The following MSRA variants were observed in gnomAD, a reference collection of about 807,000 sequenced individuals.
MSRA encodes the protein methionine sulfoxide reductase A.
MSRA carries 54 observed loss-of-function variants against 31.3 expected under a neutral mutation model. That is an observed-to-expected ratio of 1.73 (90% CI 1.39 to 2.17). The LOEUF (loss-of-function observed/expected upper bound fraction) is 2.17. Ranked by LOEUF, MSRA falls within the 30% of genes most tolerant of loss-of-function variation. The pLI, the probability that MSRA is intolerant of heterozygous loss-of-function variation, is 0.00. For missense variants in MSRA, 507 were observed against 300.9 expected (o/e 1.69, Z -5.07); for synonymous variants, 169 against 116.5 (o/e 1.45, Z -2.90).
chr8:10,156,998 A>G (rs763222150), intron 1 of MSRA, among the ~76,000 whole-genome samples: 6 of 151,470 alleles, frequency 4.0e-5, no homozygotes, highest in Admixed American at 6.6e-5. Context: ...TCCATTCTTC[A>G]TCATCCCCAC....
chr8:10,342,146 G>A (rs975523157), intron 5 of MSRA, among the ~76,000 whole-genome samples: 1 of 152,286 alleles, frequency 6.6e-6, no homozygotes, highest in South Asian at 2.1e-4. Flanking sequence ...CTTAAGTTCT[G>A]TTCTTCAGTG....
In MSRA at chr8:10,173,134, G is replaced by A. The variant is rs940651534; in HGVS notation, c.143-34699G>A. Among the ~76,000 whole-genome samples, 8 of 152,206 alleles carry A rather than the reference G, an allele frequency of 5.3e-5. No individual in the cohort carries two copies. The East Asian group carries it at 1.3e-3, about 26-fold the overall frequency. On this transcript the variant is annotated intron_variant, in intron 1 of 5. Coordinates refer to ENST00000317173, the MANE Select transcript of MSRA (RefSeq NM_012331.5). The stretch of plus-strand genomic sequence containing the variant: ...TCTTACAGCCCTTTTTCTGTTCAAA[G>A]TCTTCCTTAATACAAACTGTTTTAT...
intron 5 of MSRA, among the ~76,000 whole-genome samples, chr8:10,358,364 AT>A (rs1177303705): frequency 2.6e-5 from 4 of 152,106 alleles, no homozygotes; most frequent in Admixed American, 1.3e-4. Flanking sequence ...ACAGTTAAAC[AT>A]TTTTTAATCC....
chr8:10,411,919 C>T (rs746018745), intron 5 of MSRA, among the ~76,000 whole-genome samples: 6 of 152,168 alleles, frequency 3.9e-5, no homozygotes, highest in African/African-American at 9.7e-5. Flanking sequence ...CTGTGGACAC[C>T]GCCCCTGGGA....
At chr8:10,059,304 C>T (rs1365033525) in intron 1 of MSRA, among the ~76,000 whole-genome samples, 1 of 152,120 alleles carries the variant, frequency 6.6e-6, no homozygotes, top group Non-Finnish European at 1.5e-5. Flanking sequence ...TAGTAATTTA[C>T]TAATGCATTT....
chr8:10,293,161 T>C (rs1800338058), intron 3 of MSRA, among the ~76,000 whole-genome samples: 1 of 152,124 alleles, frequency 6.6e-6, no homozygotes, highest in Non-Finnish European at 1.5e-5. Flanking sequence ...CTAGAGGCTT[T>C]GCAGGGCACA....
intron 1 of MSRA, chr8:10,095,662 C>T (rs1001195453): frequency 9.0e-6 from 9 of 1,002,212 alleles, no homozygotes; most frequent in Middle Eastern, 4.9e-4. Flanking sequence ...TCTGCTTTCT[C>T]GGCTTGAGCT....
intron 1 of MSRA, among the ~76,000 whole-genome samples, chr8:10,155,150 C>T (rs562665116): frequency 5.9e-5 from 9 of 152,026 alleles, no homozygotes; most frequent in African/African-American, 1.4e-4. Flanking sequence ...AGTCTAATGA[C>T]GACAATAAGG....
chr8:10,091,268 A>G (rs1299338968), intron 1 of MSRA, among the ~76,000 whole-genome samples: 1 of 152,208 alleles, frequency 6.6e-6, no homozygotes, highest in Non-Finnish European at 1.5e-5. Context: ...CATTATTCAC[A>G]TTTAAAAAGT....
intron 1 of MSRA, among the ~76,000 whole-genome samples, chr8:10,062,457 C>T (rs1231561660): frequency 6.6e-6 from 1 of 152,156 alleles, no homozygotes; most frequent in Non-Finnish European, 1.5e-5. Context: ...ACACAATGAA[C>T]TGAGGGCAGG....
intron 5 of MSRA, among the ~76,000 whole-genome samples, chr8:10,368,380 T>C (rs1479393227): frequency 6.6e-6 from 1 of 152,262 alleles, no homozygotes; most frequent in Non-Finnish European, 1.5e-5. Context: ...AGTGCAGCAC[T>C]ATCATTTGAT....
rs535537831 is a variant in MSRA at position 10,060,657 on chromosome 8, T to C, written c.142+5999T>C. Among the ~76,000 whole-genome samples, 306 of 152,314 alleles carry C rather than the reference T, an allele frequency of 2.0e-3. 1 individual carries two copies. Among genetic ancestry groups the C allele is most frequent in the African/African-American group, 7.0e-3 (291 of 41,574 alleles). On this transcript the variant is annotated intron_variant, in intron 1 of 5. Coordinates refer to ENST00000317173, the MANE Select transcript of MSRA (RefSeq NM_012331.5). ...CTTGAAGTTTTTTTTTTTTTCAATT[T>C]TGCTCTTTCTTGTCAAGTACATCTT...
At chr8:10,316,801 G>A (rs1801753404) in intron 4 of MSRA, among the ~76,000 whole-genome samples, 1 of 152,138 alleles carries the variant, frequency 6.6e-6, no homozygotes, top group African/African-American at 2.4e-5. Flanking sequence ...AATAAGAAGT[G>A]CCATCTTTCA....
intron 1 of MSRA, among the ~76,000 whole-genome samples, chr8:10,187,403 C>T (rs948276848): frequency 3.3e-4 from 51 of 152,310 alleles, no homozygotes; most frequent in Middle Eastern, 6.8e-3. Context: ...TACACCGGTA[C>T]CCAAGCTACC....
At chr8:10,195,410 T>G (rs1277996121) in intron 1 of MSRA, among the ~76,000 whole-genome samples, 1 of 152,198 alleles carries the variant, frequency 6.6e-6, no homozygotes, top group Non-Finnish European at 1.5e-5. Context: ...CAGGCTAATT[T>G]TTTGTATTTT....
chr8:10,254,957 G>C (rs1798099948), intron 3 of MSRA, among the ~76,000 whole-genome samples: 1 of 152,218 alleles, frequency 6.6e-6, no homozygotes, highest in Non-Finnish European at 1.5e-5. Context: ...CAGGTCATCT[G>C]TTCCGGTGAT....
chr8:10,318,648 A>G (rs1801863232), intron 4 of MSRA, among the ~76,000 whole-genome samples: 1 of 152,184 alleles, frequency 6.6e-6, no homozygotes, highest in Non-Finnish European at 1.5e-5. Context: ...TATGACAGTC[A>G]AATATTTCGT....
chr8:10,115,437 C>T (rs1276023124), intron 1 of MSRA, among the ~76,000 whole-genome samples: 1 of 152,200 alleles, frequency 6.6e-6, no homozygotes, highest in African/African-American at 2.4e-5. Flanking sequence ...AGATCCTTTC[C>T]TAGCACCTTC....
intron 4 of MSRA, among the ~76,000 whole-genome samples, chr8:10,306,487 T>C (rs1487834515): frequency 6.6e-6 from 1 of 151,614 alleles, no homozygotes; most frequent in African/African-American, 2.4e-5. Context: ...AAGTGTGGGT[T>C]TTCTACCCAC....
Sources: gnomAD v4.1 joint callset for allele counts (sites outside exome capture counted in the v4.1 genomes callset) on GRCh38, gnomAD v4.1.1 for gene constraint, MANE v1.5 for transcripts, NCBI Gene and HGNC (gene_info 2026-07-23, HGNC 2026-07-21) for gene names.